NKAIN3: variants seen among roughly 807,000 people sequenced by gnomAD.
NKAIN3 encodes the protein sodium/potassium transporting ATPase interacting 3.
A neutral mutation model predicts 30.2 loss-of-function variants in NKAIN3; 25 were observed. The observed-to-expected ratio is 0.83, with a 90% CI of 0.60 to 1.16. The LOEUF (loss-of-function observed/expected upper bound fraction) is 1.16. Among genes scored for constraint, NKAIN3 ranks in the 50% most tolerant of loss-of-function variants. NKAIN3 has a pLI of 0.00. For synonymous variants in NKAIN3, 91 were observed against 89.6 expected, an observed-to-expected ratio of 1.02 and a Z score of -0.09; for missense variants, 225 against 254.1, an observed-to-expected ratio of 0.89 and a Z score of 0.78.
chr8:62,524,463 C>A (rs1474111414), intron 1 of NKAIN3, among the ~76,000 whole-genome samples: 1 of 152,060 alleles, frequency 6.6e-6, no homozygotes, highest in East Asian at 1.9e-4. Context: ...AATGAGCAGA[C>A]CCTGAAGGAA....
At chr8:62,421,980 G>A (rs1804655068) in intron 1 of NKAIN3, among the ~76,000 whole-genome samples, 1 of 151,996 alleles carries the variant, frequency 6.6e-6, no homozygotes, top group African/African-American at 2.4e-5. Context: ...GAGAACCATC[G>A]CGGTGAACAG....
At chr8:62,787,284 A>G (rs1040493120) in intron 4 of NKAIN3, among the ~76,000 whole-genome samples, 2 of 152,148 alleles carry the variant, frequency 1.3e-5, no homozygotes, top group African/African-American at 4.8e-5. Context: ...AGGTATTTTC[A>G]TATTCTGTTT....
chr8:62,752,893 C>T (rs1263889299), intron 4 of NKAIN3, among the ~76,000 whole-genome samples: 1 of 152,066 alleles, frequency 6.6e-6, no homozygotes, highest in African/African-American at 2.4e-5. Flanking sequence ...AGAAAACATA[C>T]TGTCAAATTA....
chr8:62,741,019 A>T (rs997824150), intron 3 of NKAIN3, among the ~76,000 whole-genome samples: 4 of 140,548 alleles, frequency 2.8e-5, no homozygotes, highest in African/African-American at 7.9e-5. Context: ...TGACTCCTAA[A>T]CTTTATGAAA....
intron 1 of NKAIN3, among the ~76,000 whole-genome samples, chr8:62,444,035 A>G (rs926196522): frequency 1.3e-5 from 2 of 152,156 alleles, no homozygotes; most frequent in African/African-American, 2.4e-5. Flanking sequence ...AATGGTTCCA[A>G]TACTTGAACC....
chr8:62,861,586 G>A (rs1376552315), intron 4 of NKAIN3, among the ~76,000 whole-genome samples: 1 of 152,170 alleles, frequency 6.6e-6, no homozygotes, highest in Non-Finnish European at 1.5e-5. Context: ...TCCTAACACA[G>A]AAATCCCAGG....
chr8:62,706,765 G>A (rs191728308), intron 3 of NKAIN3, among the ~76,000 whole-genome samples: 62 of 152,080 alleles, frequency 4.1e-4, no homozygotes, highest in African/African-American at 1.5e-3. Context: ...TGATTTGTGA[G>A]ATTTTAGTGC....
intron 1 of NKAIN3, among the ~76,000 whole-genome samples, chr8:62,436,939 T>TA (rs564595188): frequency 6.6e-6 from 1 of 152,106 alleles, no homozygotes; most frequent in Admixed American, 6.6e-5. Flanking sequence ...TAAAATGAAA[T>TA]AAAAAATCAT....
intron 3 of NKAIN3, among the ~76,000 whole-genome samples, chr8:62,715,610 C>A (rs1375657831): frequency 6.6e-6 from 1 of 152,106 alleles, no homozygotes; most frequent in Non-Finnish European, 1.5e-5. Flanking sequence ...AGTTGAGATA[C>A]ATAAAGTGCT....
chr8:62,457,955 G>C (rs1010617012), intron 1 of NKAIN3, among the ~76,000 whole-genome samples: 1 of 152,086 alleles, frequency 6.6e-6, no homozygotes, highest in Non-Finnish European at 1.5e-5. Context: ...TCTCACTATT[G>C]ATTACTTACT....
Position 62,973,107 on chromosome 8 carries a change from T to C in NKAIN3, c.*7700T>C, listed in dbSNP as rs1212688397. On this transcript the variant is annotated 3_prime_UTR_variant, in exon 7 of 7. Transcript: ENST00000623646. ...TTGGGTTGGTTCCAAGTCTTTGCTA[T>C]TGTGAATAGTGCTGCAATAAACATA... 3.9e-5 allele frequency among the ~76,000 whole-genome samples: 6 copies of C among 152,232 alleles called. No individual in the cohort carries two copies. Among genetic ancestry groups the C allele is most frequent in the Non-Finnish European group, 8.8e-5 (6 of 68,036 alleles).
chr8:62,423,480 A>G (rs546193580), intron 1 of NKAIN3, among the ~76,000 whole-genome samples: 4 of 150,822 alleles, frequency 2.7e-5, no homozygotes, highest in Non-Finnish European at 5.9e-5. Context: ...CAACATATAC[A>G]TACACACACA....
intron 1 of NKAIN3, among the ~76,000 whole-genome samples, chr8:62,402,560 AGATCT>A (rs1803913595): frequency 6.6e-6 from 1 of 152,168 alleles, no homozygotes; most frequent in African/African-American, 2.4e-5. Flanking sequence ...AGTTCTCACA[AGATCT>A]GAGGGTTTTA....
intron 4 of NKAIN3, among the ~76,000 whole-genome samples, chr8:62,782,502 A>G (rs1817380995): frequency 6.6e-6 from 1 of 150,412 alleles, no homozygotes; most frequent in Non-Finnish European, 1.5e-5. Context: ...TCACAATAGC[A>G]AAGATTTGGA....
chr8:62,687,083 C>G (rs928830768), intron 3 of NKAIN3, among the ~76,000 whole-genome samples: 2 of 152,172 alleles, frequency 1.3e-5, no homozygotes, highest in Non-Finnish European at 2.9e-5. Flanking sequence ...AGGAAGAGCA[C>G]ATCAGTTTTT....
intron 4 of NKAIN3, among the ~76,000 whole-genome samples, chr8:62,906,711 C>T (rs60099004): frequency 0.019 from 2,962 of 152,212 alleles, 98 homozygotes; most frequent in African/African-American, 0.067. Flanking sequence ...TCTTGCATGC[C>T]ACCATGTAAG....
intron 4 of NKAIN3, among the ~76,000 whole-genome samples, chr8:62,851,417 C>T (rs1467558893): frequency 1.3e-5 from 2 of 152,184 alleles, no homozygotes; most frequent in African/African-American, 2.4e-5. Context: ...GACAATTTGA[C>T]TTCCTCTTTT....
chr8:62,820,557 C>T (rs559333291), intron 4 of NKAIN3, among the ~76,000 whole-genome samples: 11 of 152,214 alleles, frequency 7.2e-5, no homozygotes, highest in African/African-American at 2.6e-4. Context: ...CCAGGCAGAG[C>T]TCATGGCTGG....
At chr8:62,609,505 C>G (rs1361108038) in intron 3 of NKAIN3, among the ~76,000 whole-genome samples, 1 of 152,128 alleles carries the variant, frequency 6.6e-6, no homozygotes, top group African/African-American at 2.4e-5. Flanking sequence ...GGCATCTGCT[C>G]TTTGCCAAGT....
Sources: allele counts gnomAD v4.1 joint callset (sites outside exome capture counted in the v4.1 genomes callset), GRCh38; gene constraint gnomAD v4.1.1; transcripts MANE v1.5; gene names NCBI Gene and HGNC (gene_info 2026-07-23, HGNC 2026-07-21).